Variants in AKAP6 observed in about 807,000 individuals in gnomAD.
The protein encoded by AKAP6 is A-kinase anchoring protein 6, also known as A-kinase anchor protein 6.
In AKAP6, 58 loss-of-function variants were observed where a neutral mutation model predicts 188.5. That is an observed-to-expected ratio of 0.31 (90% CI 0.25 to 0.38). The LOEUF (loss-of-function observed/expected upper bound fraction) is 0.38. Among genes scored for constraint, AKAP6 ranks in the 10% least tolerant of loss-of-function variants. The pLI is 1.00. For synonymous variants in AKAP6, 989 were observed against 998.6 expected, an observed-to-expected ratio of 0.99 and a Z score of 0.18; for missense variants, 2,710 against 2,740.0, an observed-to-expected ratio of 0.99 and a Z score of 0.24.
At chr14:32,400,617 A>G (rs555225497) in intron 1 of AKAP6, among the ~76,000 whole-genome samples, 1 of 151,204 alleles carries the variant, frequency 6.6e-6, no homozygotes, top group South Asian at 2.1e-4. Context: ...TGCTAGTCAA[A>G]AGTGACTCAG....
At chr14:32,785,306 T>C (rs1297463065) in intron 12 of AKAP6, among the ~76,000 whole-genome samples, 1 of 152,198 alleles carries the variant, frequency 6.6e-6, no homozygotes, top group Non-Finnish European at 1.5e-5. Flanking sequence ...ATAAAGAAAG[T>C]AAATCTTGAG....
At chr14:32,510,786 A>T (rs1258964358) in intron 2 of AKAP6, among the ~76,000 whole-genome samples, 2 of 152,064 alleles carry the variant, frequency 1.3e-5, no homozygotes, top group African/African-American at 4.8e-5. Context: ...ATATTTGTTC[A>T]TTTCAAGGAA....
At chr14:32,429,581 G>A (rs1453905894) in intron 1 of AKAP6, among the ~76,000 whole-genome samples, 1 of 152,066 alleles carries the variant, frequency 6.6e-6, no homozygotes, top group Non-Finnish European at 1.5e-5. Flanking sequence ...ATGAAAATGG[G>A]CAATTAATCC....
At chr14:32,493,459 C>CT (rs1566537560) in intron 2 of AKAP6, among the ~76,000 whole-genome samples, 1 of 152,142 alleles carries the variant, frequency 6.6e-6, no homozygotes, top group East Asian at 1.9e-4. Flanking sequence ...GATCCTCCTG[C>CT]TTCAGCCTCC....
intron 2 of AKAP6, among the ~76,000 whole-genome samples, chr14:32,496,409 C>T (rs1255295831): frequency 6.6e-6 from 1 of 151,912 alleles, no homozygotes; most frequent in Non-Finnish European, 1.5e-5. Context: ...TGTATATGTA[C>T]ATGTGTATAT....
At chr14:32,598,755 C>A (rs530346666) in intron 5 of AKAP6, among the ~76,000 whole-genome samples, 10 of 152,066 alleles carry the variant, frequency 6.6e-5, no homozygotes, top group Non-Finnish European at 1.0e-4. Flanking sequence ...AGTTAGATTT[C>A]AACTATGACA....
intron 11 of AKAP6, among the ~76,000 whole-genome samples, chr14:32,753,246 G>A (rs988506411): frequency 7.9e-5 from 12 of 152,046 alleles, no homozygotes; most frequent in Non-Finnish European, 1.5e-4. Flanking sequence ...CATTCTAACA[G>A]GTGTGAGGTG....
At chr14:32,786,989 A>G (rs1032400332) in intron 12 of AKAP6, among the ~76,000 whole-genome samples, 1 of 152,236 alleles carries the variant, frequency 6.6e-6, no homozygotes, top group African/African-American at 2.4e-5. Flanking sequence ...CCCCAAAAAT[A>G]CATAACACAT....
At chr14:32,658,526 A>T (rs917006739) in intron 7 of AKAP6, among the ~76,000 whole-genome samples, 2 of 152,234 alleles carry the variant, frequency 1.3e-5, no homozygotes, top group East Asian at 1.9e-4. Context: ...TGCTTTGCTA[A>T]TTAAAGTATG....
intron 5 of AKAP6, among the ~76,000 whole-genome samples, chr14:32,581,693 A>G (rs1173431582): frequency 6.6e-6 from 1 of 152,170 alleles, no homozygotes; most frequent in Non-Finnish European, 1.5e-5. Flanking sequence ...TTGGGTGCAT[A>G]TATATTTAGG....
At chr14:32,517,773 G>C (rs1011975024) in intron 2 of AKAP6, among the ~76,000 whole-genome samples, 2 of 152,230 alleles carry the variant, frequency 1.3e-5, no homozygotes, top group African/African-American at 2.4e-5. Flanking sequence ...TGTGGGCAGG[G>C]CATAGCTGAA....
chr14:32,793,925 C>G (rs1464527081), intron 12 of AKAP6, among the ~76,000 whole-genome samples: 1 of 152,068 alleles, frequency 6.6e-6, no homozygotes, highest in Non-Finnish European at 1.5e-5. Flanking sequence ...ACCCCACTGA[C>G]AGTAGTAGAC....
intron 9 of AKAP6, among the ~76,000 whole-genome samples, chr14:32,731,861 AC>A (rs1469581590): frequency 6.6e-6 from 1 of 152,096 alleles, no homozygotes; most frequent in Non-Finnish European, 1.5e-5. Context: ...TCTGTAGTCA[AC>A]TATGATTTGG....
At chr14:32,361,071 T>TATATA (rs1213844124) in intron 1 of AKAP6, among the ~76,000 whole-genome samples, 9 of 149,100 alleles carry the variant, frequency 6.0e-5, no homozygotes, top group South Asian at 4.3e-4. Context: ...TATATATATA[T>TATATA]TTGAGAAGCT....
chr14:32,768,239 T>A (rs976967550), intron 11 of AKAP6, among the ~76,000 whole-genome samples: 1 of 152,184 alleles, frequency 6.6e-6, no homozygotes, highest in Admixed American at 6.5e-5. Flanking sequence ...CTTATTAGAG[T>A]ATAGCTTCAG....
intron 2 of AKAP6, among the ~76,000 whole-genome samples, chr14:32,444,765 T>G (rs1014631136): frequency 6.6e-6 from 1 of 152,172 alleles, no homozygotes; most frequent in Admixed American, 6.5e-5. Context: ...TTTTTTCCTC[T>G]TTTCCAAAAA....
intron 10 of AKAP6, chr14:32,734,405 C>G (rs1366658582): frequency 6.6e-6 from 1 of 152,132 alleles, no homozygotes; most frequent in Non-Finnish European, 1.5e-5. Context: ...GCATATTACT[C>G]TGTCTCAATT....
intron 4 of AKAP6, among the ~76,000 whole-genome samples, chr14:32,553,469 G>C (rs1411504839): frequency 6.6e-6 from 1 of 152,066 alleles, no homozygotes; most frequent in Non-Finnish European, 1.5e-5. Flanking sequence ...ACCGCGCCTG[G>C]CCAAGATTTC....
chr14:32,363,140 A>C (rs1463877788), intron 1 of AKAP6, among the ~76,000 whole-genome samples: 1 of 152,046 alleles, frequency 6.6e-6, no homozygotes, highest in East Asian at 1.9e-4. Flanking sequence ...AACAAATAAA[A>C]CCCCTACCAA....
Sources: allele counts gnomAD v4.1 joint callset (sites outside exome capture counted in the v4.1 genomes callset), GRCh38; gene constraint gnomAD v4.1.1; transcripts MANE v1.5; gene names NCBI Gene and HGNC (gene_info 2026-07-23, HGNC 2026-07-21).